The following RNF213 variants were observed in gnomAD, a reference collection of about 807,000 sequenced individuals.
The protein encoded by RNF213 is E3 ubiquitin-protein ligase RNF213.
A neutral mutation model predicts 514.4 loss-of-function variants in RNF213; 341 were observed. That is an observed-to-expected ratio of 0.66 (90% confidence interval 0.61 to 0.73). The LOEUF is 0.73. Ranked by LOEUF, RNF213 falls within the 30% of genes least tolerant of loss-of-function variation. The pLI is 0.00. For synonymous variants in RNF213, 2,655 were observed against 2,658.2 expected (o/e 1.00, Z 0.04); for missense variants, 5,767 against 6,615.6 (o/e 0.87, Z 4.45).
At chr17:80,333,429 C>CATGCCTG (rs375150871) in intron 21 of RNF213, among the ~76,000 whole-genome samples, 116 of 151,236 alleles carry the variant, frequency 7.7e-4, no homozygotes, top group African/African-American at 2.8e-3. Context: ...CACAGTGGCT[C>CATGCCTG]ATGCCTGTAA....
At chr17:80,324,702 A>G (rs1045763995) in intron 17 of RNF213, among the ~76,000 whole-genome samples, 1 of 152,024 alleles carries the variant, frequency 6.6e-6, no homozygotes, top group Non-Finnish European at 1.5e-5. Context: ...GGGTTTATTC[A>G]TTTTTGGTAT....
At chr17:80,366,501 C>G (rs2079279421) in intron 42 of RNF213, among the ~76,000 whole-genome samples, 2 of 151,936 alleles carry the variant, frequency 1.3e-5, no homozygotes, top group Admixed American at 1.3e-4. Context: ...GATGAGCATC[C>G]TTCATGTGCT....
At chr17:80,378,890 C>T (rs890552727) in intron 54 of RNF213, among the ~76,000 whole-genome samples, 6 of 152,132 alleles carry the variant, frequency 3.9e-5, no homozygotes, top group African/African-American at 1.2e-4. Context: ...TAAAAAAGTC[C>T]AAGCCAGGTG....
In RNF213 at chr17:80,367,988, C is replaced by T. The variant is rs773851241; in HGVS notation, c.12000C>T (p.Cys4000=). Residue 4000 remains cysteine, a synonymous_variant, in exon 44 of 68, where the codon TGC becomes TGT. Transcript: ENST00000582970. ...TTGGGATTCAGCCGTGCTCCATCTGCCTGGGAGATGCAAAGGACCCCGTCT... is the reference window on the plus strand; with the variant it reads ...TTGGGATTCAGCCGTGCTCCATCTGTCTGGGAGATGCAAAGGACCCCGTCT... The part of the protein sequence containing the change: ...SRFGIQPCSI[C]LGDAKDPVCL... The T allele has an allele frequency of 1.2e-6, 2 of 1,614,236 alleles. No homozygotes were observed. Among genetic ancestry groups the T allele is most frequent in the Middle Eastern group, 1.6e-4 (1 of 6,062 alleles).
chr17:80,279,056 G>C (rs921310527), intron 3 of RNF213: 1 of 1,064,454 alleles, frequency 9.4e-7, no homozygotes, highest in African/African-American at 1.6e-5. Context: ...GGTCACCCTT[G>C]GGCTGTGAAA....
chr17:80,269,651 T>C (rs2043749297), intron 2 of RNF213, among the ~76,000 whole-genome samples: 1 of 152,066 alleles, frequency 6.6e-6, no homozygotes, highest in South Asian at 2.1e-4. Flanking sequence ...TATCTATTCA[T>C]CCATCAATCT....
At chr17:80,327,758 G>T in intron 18 of RNF213, 58 bp from the exon 19 acceptor site, 1 of 1,417,148 alleles carries the variant, frequency 7.1e-7, no homozygotes, top group South Asian at 1.4e-5. Flanking sequence ...CCACGGTAAC[G>T]GCAAAGAGGC....
intron 11 of RNF213, among the ~76,000 whole-genome samples, chr17:80,304,257 T>TC (rs1314628153): frequency 6.6e-6 from 1 of 152,064 alleles, no homozygotes; most frequent in East Asian, 1.9e-4. Context: ...ACATTTTGGG[T>TC]CTCCAGTACT....
In RNF213 at chr17:80,309,011, G is replaced by A. The variant is rs766455432; in HGVS notation, c.2502-7G>A. On this transcript the variant is annotated splice_region_variant and splice_polypyrimidine_tract_variant and intron_variant, in intron 13 of 67. Coordinates refer to ENST00000582970, the MANE Select transcript of RNF213 (RefSeq NM_001256071.3). ...GCCGGGATTTCTCTTAACTCTTTGC[G>A]GGGCAGGATTCCCGAGGAGGCCTTG... is the stretch of plus-strand genomic sequence containing the variant. The A allele has an allele frequency of 5.0e-6, 8 of 1,613,734 alleles. No homozygotes were observed. The highest frequency in any genetic ancestry group is 3.3e-5 in the Admixed American group (2 of 59,988).
intron 63 of RNF213, among the ~76,000 whole-genome samples, chr17:80,387,911 G>A (rs1393609409): frequency 1.3e-5 from 2 of 151,766 alleles, no homozygotes; most frequent in Non-Finnish European, 2.9e-5. Context: ...ACTTATGTAC[G>A]GTACCACCCG....
Position 80,273,318 on chromosome 17 carries a change from G to A in RNF213, c.175G>A (p.Gly59Arg). 1.2e-6 allele frequency: 2 copies of A among 1,613,570 alleles called. No homozygotes were observed. Among genetic ancestry groups the A allele is most frequent in the Non-Finnish European group, 8.5e-7 (1 of 1,179,994 alleles). The change falls in exon 3 of 68, where the codon GGG (glycine) becomes AGG (arginine). Residue 59 changes from glycine (G) to arginine (R), a missense_variant. Physicochemically the swap from Gly to Arg is moderately radical, Grantham distance 125. Transcript: ENST00000582970. ...GTGTGGGCAGGAGCTGAAGGAGGAAGGGGGCCCGTGCTTGTTCCCGGGCTC... is the reference window on the plus strand; with the variant it reads ...GTGTGGGCAGGAGCTGAAGGAGGAAAGGGGCCCGTGCTTGTTCCCGGGCTC... ...MECGQELKEE[G>R]GPCLFPGSDS...
At chr17:80,273,936 T>G (rs888141036) in intron 3 of RNF213, among the ~76,000 whole-genome samples, 1 of 152,082 alleles carries the variant, frequency 6.6e-6, no homozygotes, top group African/African-American at 2.4e-5. Flanking sequence ...TTCCTTTTCT[T>G]TCTACCAGAC....
chr17:80,326,660 C>T (rs1464198653), intron 18 of RNF213, among the ~76,000 whole-genome samples: 6 of 152,294 alleles, frequency 3.9e-5, no homozygotes, highest in Admixed American at 6.5e-5. Context: ...TATAGGATGT[C>T]GCCTTTAGAC....
chr17:80,337,713 A>T lies in RNF213; in HGVS notation c.4655A>T (p.Lys1552Ile), dbSNP rs1399302295. ...GGCATCTATGTGATCCAGGCGCCCA[A>T]AGGTGGCCAAAAGGTGAGCGGTCCC... ...QRGIYVIQAP[K>I]GGQKISPDTV... Residue 1552 changes from lysine (K) to isoleucine (I), a missense_variant, in exon 24 of 68, where the codon AAA becomes ATA. Lys to Ile is a moderately radical substitution (Grantham distance 102, BLOSUM62 -3). Transcript: ENST00000582970. 1 of 1,537,278 alleles carries T rather than the reference A, an allele frequency of 6.5e-7. No homozygotes were observed. The highest frequency in any genetic ancestry group is 8.7e-7 in the Non-Finnish European group (1 of 1,146,904).
chr17:80,348,316 C>A, intron 29 of RNF213, 30 bp downstream of exon 29: 2 of 1,604,864 alleles, frequency 1.2e-6, no homozygotes, highest in Non-Finnish European at 1.7e-6. Context: ...TGTACCCTAT[C>A]CCCTGTCACC....
chr17:80,312,378 G>A (rs1227297098), intron 14 of RNF213, among the ~76,000 whole-genome samples: 4 of 152,138 alleles, frequency 2.6e-5, no homozygotes, highest in East Asian at 3.9e-4. Context: ...GGTCCGGCAC[G>A]GAGGCGGGGG....
intron 37 of RNF213, among the ~76,000 whole-genome samples, chr17:80,358,705 T>G (rs2078926869): frequency 6.6e-6 from 1 of 151,946 alleles, no homozygotes; most frequent in South Asian, 2.1e-4. Context: ...GGTCAAGAGA[T>G]CAAGACCGTC....
rs776250900 is a variant in RNF213 at position 80,339,298 on chromosome 17, C to T, written c.4931C>T (p.Ser1644Phe). ...ACGTGGATCGCCATGGCCTACTGCT[C>T]CCCCAAGCAGGGTGTGTCCCTCCAA... ...FRTWIAMAYC[S>F]PKQGVSLQMD... The change falls in exon 26 of 68, where the codon TCC becomes TTC. Residue 1644 changes from serine to phenylalanine, a missense_variant. Physicochemically the swap from Ser to Phe is radical, Grantham distance 155. Around this residue, in one of 13 missense-constraint regions of RNF213, gnomAD observed 1,377 missense variants for 1,635.2 expected, o/e 0.84. Coordinates refer to ENST00000582970, the MANE Select transcript of RNF213 (RefSeq NM_001256071.3). 1.0e-5 allele frequency: 16 copies of T among 1,536,494 alleles called. No homozygotes were observed. The South Asian group carries it at 1.8e-4, about 17-fold the overall frequency.
At position 80,306,441 on chromosome 17, in the gene RNF213, G is replaced by T. The variant is rs769268221; in HGVS notation, c.2400G>T (p.Pro800=). The change falls in exon 12 of 68, where the codon CCG becomes CCT. Residue 800 remains proline, a synonymous_variant. Coordinates refer to ENST00000582970, the MANE Select transcript of RNF213 (RefSeq NM_001256071.3). ...TTTCAGGGATTTACTACCGGCTTCC[G>T]GGACTTGAGCAAGTCTTGAATACGC... ...DCLSGIYYRL[P]GLEQVLNTQD... 6.8e-6 allele frequency: 11 copies of T among 1,613,958 alleles called. No individual in the cohort carries two copies. The highest frequency in any genetic ancestry group is 5.0e-5 in the Admixed American group (3 of 59,980).
Sources: allele counts gnomAD v4.1 joint callset (sites outside exome capture counted in the v4.1 genomes callset), GRCh38; gene constraint gnomAD v4.1.1; regional missense constraint gnomAD v4.1.1; transcripts MANE v1.5; gene names NCBI Gene and HGNC (gene_info 2026-07-23, HGNC 2026-07-21).